Variants in LRRC14 observed in about 807,000 individuals in gnomAD.
LRRC14 encodes the protein leucine-rich repeat-containing protein 14.
Under a neutral mutation model 25.3 loss-of-function variants are expected in LRRC14, and 16 were observed. The ratio of observed to expected loss-of-function variants is 0.63; its 90% CI spans 0.43 to 0.96. LRRC14 has a LOEUF of 0.96. Ranked by LOEUF, LRRC14 falls within the 40% of genes least tolerant of loss-of-function variation. The probability of loss-of-function intolerance (pLI) is 0.00; values close to 1 mark genes in which losing one functional copy is unlikely to be tolerated. For missense variants in LRRC14, 594 were observed against 660.5 expected (o/e 0.90, Z 1.10); for synonymous variants, 359 against 295.1 (o/e 1.22, Z -2.22).
In LRRC14 at chr8:144,524,003, C is replaced by G; in HGVS notation, c.*2525C>G. 1.5e-6 allele frequency: 2 copies of G among 1,351,740 alleles called. No homozygotes were observed. The highest frequency in any genetic ancestry group is 2.0e-6 in the Non-Finnish European group (2 of 984,856). The allele number at this position is 1,351,740 out of a possible 1,614,324, so 83.7% of individuals were successfully genotyped here. On this transcript the variant is annotated 3_prime_UTR_variant, in exon 4 of 4. Transcript: ENST00000292524. ...TGGCTGCAGGCGGTGGTGCAGCCTTCCAGACTGCTGCCCAGTTGCCTGATG... is the reference window on the plus strand; with the variant it reads ...TGGCTGCAGGCGGTGGTGCAGCCTTGCAGACTGCTGCCCAGTTGCCTGATG...
rs766739715 is a variant in LRRC14, at chr8:144,520,044, C to T, written c.319C>T (p.Pro107Ser). The change falls in exon 2 of 4, where the codon CCC becomes TCC. Residue 107 changes from proline (P) to serine (S), a missense_variant. Pro to Ser is a moderately conservative substitution (Grantham distance 74). Coordinates refer to ENST00000292524, the MANE Select transcript of LRRC14 (RefSeq NM_014665.4). ...CTCAGAGCCTGGGGCCAGCACACAGCCCCTCTGCAGGTATGGACTTATCTG... is the reference window on the plus strand; with the variant it reads ...CTCAGAGCCTGGGGCCAGCACACAGTCCCTCTGCAGGTATGGACTTATCTG... The part of the protein sequence containing the change: ...HTSEPGASTQ[P>S]LCRKHALRVL... 1 of 1,604,932 alleles carries T rather than the reference C, an allele frequency of 6.2e-7. No individual in the cohort carries two copies. Among genetic ancestry groups the T allele is most frequent in the Non-Finnish European group, 8.5e-7 (1 of 1,177,642 alleles).
Position 144,525,059 on chromosome 8 carries a change from C to T in LRRC14, c.*3581C>T, listed in dbSNP as rs1256631634. The T allele has an allele frequency of 4.4e-6, 6 of 1,352,408 alleles. No homozygotes were observed. The highest frequency in any genetic ancestry group is 5.7e-6 in the Non-Finnish European group (6 of 1,055,496). 83.8% of individuals were successfully genotyped at this position (1,352,408 alleles called of 1,614,324 possible). On this transcript the variant is annotated 3_prime_UTR_variant, in exon 4 of 4. Coordinates refer to ENST00000292524, the MANE Select transcript of LRRC14 (RefSeq NM_014665.4). Reference sequence around the variant, plus strand: ...CTGAAACACAGGTTGGCAGGCCAGTCTCGGCAGTCGAGAGCCAGCCAATAG... The same window carrying T: ...CTGAAACACAGGTTGGCAGGCCAGTTTCGGCAGTCGAGAGCCAGCCAATAG...
At position 144,521,087 on chromosome 8, in the gene LRRC14, C is replaced by T. The variant is rs775924504; in HGVS notation, c.1091C>T (p.Ala364Val). The T allele has an allele frequency of 6.2e-7, 1 of 1,612,984 alleles. No individual in the cohort carries two copies. Among genetic ancestry groups the T allele is most frequent in the East Asian group, 2.2e-5 (1 of 44,902 alleles). Residue 364 changes from alanine (A) to valine (V), a missense_variant, in exon 4 of 4, where the codon GCA becomes GTA. Coordinates refer to ENST00000292524, the MANE Select transcript of LRRC14 (RefSeq NM_014665.4). ...TTCCAGGGTCTGTTGCAGGCATCAGCAGCCACACTGTTGCATCTGGAGCTG... is the reference window on the plus strand; with the variant it reads ...TTCCAGGGTCTGTTGCAGGCATCAGTAGCCACACTGTTGCATCTGGAGCTG... ...APFQGLLQASAATLLHLELTE... is the reference protein window; with the variant it reads ...APFQGLLQASVATLLHLELTE...
Position 144,522,153 on chromosome 8 carries a change from T to C in LRRC14, c.*675T>C, listed in dbSNP as rs1043505381. On this transcript the variant is annotated 3_prime_UTR_variant, in exon 4 of 4. Transcript: ENST00000292524. ...CCCCGCCCTTCGCGGGGCAGCCCCG[T>C]CGGCACTGCCGGCCAGTCCTTGCTC... The C allele has an allele frequency of 1.0e-4, 33 of 330,720 alleles. No individual in the cohort carries two copies. The highest frequency in any genetic ancestry group is 6.4e-4 in the African/African-American group (30 of 46,764). 20.5% of individuals were successfully genotyped at this position (330,720 alleles called of 1,614,324 possible).
chr8:144,520,591 G>A lies in LRRC14; in HGVS notation c.683G>A (p.Arg228His), dbSNP rs778065873. The A allele has an allele frequency of 3.1e-6, 5 of 1,600,858 alleles. No individual in the cohort carries two copies. Among genetic ancestry groups the A allele is most frequent in the East Asian group, 2.2e-5 (1 of 44,896 alleles). The change falls in exon 3 of 4, where the codon CGC becomes CAC. Residue 228 changes from arginine to histidine, a missense_variant. Physicochemically the swap from Arg to His is conservative, Grantham distance 29. Transcript: ENST00000292524. ...GGCTGCCTGCGCCGCGTGGACCTGC[G>A]CTTCAACAATCTGGGCCTGCGCGGC... ...DAGCLRRVDLRFNNLGLRGLS... is the reference protein window; with the variant it reads ...DAGCLRRVDLHFNNLGLRGLS...
chr8:144,518,326 A>G (rs1815588254), intron 1 of LRRC14: 1 of 151,906 alleles, frequency 6.6e-6, no homozygotes. Flanking sequence ...CGGAGGGTCC[A>G]GCGCCTCCCG....
rs995278032 is a variant in LRRC14, at chr8:144,522,898, C to T, written c.*1420C>T. On this transcript the variant is annotated 3_prime_UTR_variant, in exon 4 of 4. Transcript: ENST00000292524. ...GGCGGGCGGCCGGAGGCGGCGGTTG[C>T]GCGGGCTGCTGCGGCTGCTGCCGGG... The T allele has an allele frequency of 6.1e-6, 8 of 1,302,716 alleles. No homozygotes were observed. Among genetic ancestry groups the T allele is most frequent in the East Asian group, 3.1e-5 (1 of 32,230 alleles). The allele number at this position is 1,302,716 out of a possible 1,614,324, so 80.7% of individuals were successfully genotyped here.
In LRRC14 at chr8:144,521,533, G is replaced by T. The variant is rs575595209; in HGVS notation, c.*55G>T. ...CCCTGCAGTCTCTTTAGGTAGGCAG[G>T]GCCTTTGCTGGGACCCCTGGTGGAG... On this transcript the variant is annotated 3_prime_UTR_variant, in exon 4 of 4. Coordinates refer to ENST00000292524, the MANE Select transcript of LRRC14 (RefSeq NM_014665.4). 1 of 1,506,926 alleles carries T rather than the reference G, an allele frequency of 6.6e-7. No individual in the cohort carries two copies. Among genetic ancestry groups the T allele is most frequent in the Non-Finnish European group, 8.9e-7 (1 of 1,125,278 alleles). 93.3% of individuals were successfully genotyped at this position (1,506,926 alleles called of 1,614,324 possible).
chr8:144,523,109 C>A lies in LRRC14; in HGVS notation c.*1631C>A, dbSNP rs749089962. The A allele has an allele frequency of 1.6e-5, 26 of 1,609,176 alleles. No individual in the cohort carries two copies. In the South Asian group the frequency reaches 2.9e-4, roughly 18 times the overall value. The stretch of plus-strand genomic sequence containing the variant: ...TTCTAGCTGGGCCTGGGCTCGCGGC[C>A]GGCCCTCGCGAGGCTGGGGCACCTT... On this transcript the variant is annotated 3_prime_UTR_variant, in exon 4 of 4. Transcript: ENST00000292524.
At position 144,523,918 on chromosome 8, in the gene LRRC14, C is replaced by G; in HGVS notation, c.*2440C>G. The G allele has an allele frequency of 1.5e-6, 1 of 661,540 alleles. No homozygotes were observed. The highest frequency in any genetic ancestry group is 2.0e-5 in the South Asian group (1 of 49,806). The allele number at this position is 661,540 out of a possible 1,614,324, so 41.0% of individuals were successfully genotyped here. On this transcript the variant is annotated 3_prime_UTR_variant, in exon 4 of 4. Transcript: ENST00000292524. ...CTGTGGAGTTCCTGTCTTCTGTTTTCCCCAGGCAGGGTGCCTGAGCTGTAT... is the reference window on the plus strand; with the variant it reads ...CTGTGGAGTTCCTGTCTTCTGTTTTGCCCAGGCAGGGTGCCTGAGCTGTAT...
At position 144,520,219 on chromosome 8, in the gene LRRC14, A is replaced by C; in HGVS notation, c.330-19A>C. 6.2e-7 allele frequency: 1 copy of C among 1,601,324 alleles called. No homozygotes were observed. The highest frequency in any genetic ancestry group is 8.5e-7 in the Non-Finnish European group (1 of 1,178,410). On this transcript the variant is annotated intron_variant, in intron 2 of 3. Coordinates refer to ENST00000292524, the MANE Select transcript of LRRC14 (RefSeq NM_014665.4). Reference sequence around the variant, plus strand: ...GGCGCTGCCCCTCCACCCCTTCCTCACACCATTCCTACTCCCAGGAAGCAT... The same window carrying C: ...GGCGCTGCCCCTCCACCCCTTCCTCCCACCATTCCTACTCCCAGGAAGCAT...
chr8:144,520,733 C>T lies in LRRC14; in HGVS notation c.825C>T (p.Tyr275=), dbSNP rs1280592441. 3 of 1,599,034 alleles carry T rather than the reference C, an allele frequency of 1.9e-6. No homozygotes were observed. The highest frequency in any genetic ancestry group is 4.5e-5 in the East Asian group (2 of 44,886). ...PSVDGEDNFR[Y]FLAQMGRFTC... ...TGGATGGCGAGGACAACTTCCGCTA[C>T]TTCCTTGCCCAGATGGGCCGCTTCA... The change falls in exon 3 of 4, where the codon TAC becomes TAT. Residue 275 remains tyrosine, a synonymous_variant. Coordinates refer to ENST00000292524, the MANE Select transcript of LRRC14 (RefSeq NM_014665.4).
Position 144,523,560 on chromosome 8 carries a change from C to T in LRRC14, c.*2082C>T. 1 of 1,274,498 alleles carries T rather than the reference C, an allele frequency of 7.8e-7. No individual in the cohort carries two copies. Among genetic ancestry groups the T allele is most frequent in the Non-Finnish European group, 1.0e-6 (1 of 989,736 alleles). The allele number at this position is 1,274,498 out of a possible 1,614,324, so 78.9% of individuals were successfully genotyped here. A position where few individuals can be genotyped will look rare whatever the true frequency, so the allele number is the denominator to read the frequency against. ...AAGGCCCTGCCACCCCTTCCTTGAC[C>T]CCAAGCTCCTTGGGGCGGCAGGCCC... On this transcript the variant is annotated 3_prime_UTR_variant, in exon 4 of 4. Coordinates refer to ENST00000292524, the MANE Select transcript of LRRC14 (RefSeq NM_014665.4).
At position 144,525,081 on chromosome 8, in the gene LRRC14, A is replaced by G. The variant is rs1586857399; in HGVS notation, c.*3603A>G. On this transcript the variant is annotated 3_prime_UTR_variant, in exon 4 of 4. Transcript: ENST00000292524. Reference sequence around the variant, plus strand: ...AGTCTCGGCAGTCGAGAGCCAGCCAATAGATGGAATGGAGGCCTGCACCTG... The same window carrying G: ...AGTCTCGGCAGTCGAGAGCCAGCCAGTAGATGGAATGGAGGCCTGCACCTG... The G allele has an allele frequency of 4.8e-6, 6 of 1,259,804 alleles. No individual in the cohort carries two copies. In the Admixed American group the frequency reaches 1.5e-4, roughly 31 times the overall value. 78.0% of individuals were successfully genotyped at this position (1,259,804 alleles called of 1,614,324 possible). A position where few individuals can be genotyped will look rare whatever the true frequency, so the allele number is the denominator to read the frequency against.
chr8:144,524,078 C>G lies in LRRC14; in HGVS notation c.*2600C>G. 2 of 1,588,498 alleles carry G rather than the reference C, an allele frequency of 1.3e-6. No individual in the cohort carries two copies. Among genetic ancestry groups the G allele is most frequent in the Non-Finnish European group, 1.7e-6 (2 of 1,162,862 alleles). On this transcript the variant is annotated 3_prime_UTR_variant, in exon 4 of 4. Transcript: ENST00000292524. ...TGCTCCCTACTGCCAACACCGTGGC[C>G]CAGACAGAGACGCTTTCCGAGGAAG...
Position 144,524,063 on chromosome 8 carries a change from T to G in LRRC14, c.*2585T>G. 1 of 1,579,488 alleles carries G rather than the reference T, an allele frequency of 6.3e-7. No individual in the cohort carries two copies. Among genetic ancestry groups the G allele is most frequent in the Non-Finnish European group, 8.6e-7 (1 of 1,158,268 alleles). On this transcript the variant is annotated 3_prime_UTR_variant, in exon 4 of 4. Transcript: ENST00000292524. ...CTCCACACATGAGCCTGCTCCCTAC[T>G]GCCAACACCGTGGCCCAGACAGAGA...
In LRRC14 at chr8:144,522,916, C is replaced by T. The variant is rs765310992; in HGVS notation, c.*1438C>T. On this transcript the variant is annotated 3_prime_UTR_variant, in exon 4 of 4. Transcript: ENST00000292524. ...GCGGTTGCGCGGGCTGCTGCGGCTGCTGCCGGGACGCGTTGACCAGGAGCC... is the reference window on the plus strand; with the variant it reads ...GCGGTTGCGCGGGCTGCTGCGGCTGTTGCCGGGACGCGTTGACCAGGAGCC... 2 of 1,413,366 alleles carry T rather than the reference C, an allele frequency of 1.4e-6. 1 individual carries two copies. The highest frequency in any genetic ancestry group is 3.1e-5 in the South Asian group (2 of 64,914). The allele number at this position is 1,413,366 out of a possible 1,614,324, so 87.6% of individuals were successfully genotyped here. A position where few individuals can be genotyped will look rare whatever the true frequency, so the allele number is the denominator to read the frequency against.
In LRRC14 at chr8:144,521,412, C is replaced by T. The variant is rs1455786556; in HGVS notation, c.1416C>T (p.Gly472=). Residue 472 remains glycine (G), a synonymous_variant, in exon 4 of 4, where the codon GGC becomes GGT. Coordinates refer to ENST00000292524, the MANE Select transcript of LRRC14 (RefSeq NM_014665.4). ...TGCACCAGCTGCTTCTAGCCTCAGG[C>T]CGTGCCCATGTGCTCTGGACCACGG... ...AELHQLLLAS[G]RAHVLWTTDI... is the part of the protein sequence containing the mutation. 6.2e-7 allele frequency: 1 copy of T among 1,610,850 alleles called. No homozygotes were observed. Among genetic ancestry groups the T allele is most frequent in the Non-Finnish European group, 8.5e-7 (1 of 1,179,994 alleles).
rs972015533 is a variant in LRRC14, at chr8:144,524,777, G to A, written c.*3299G>A. 6.3e-6 allele frequency: 9 copies of A among 1,435,660 alleles called. No individual in the cohort carries two copies. The African/African-American group carries it at 7.4e-5, about 12-fold the overall frequency. 88.9% of individuals were successfully genotyped at this position (1,435,660 alleles called of 1,614,324 possible). A position where few individuals can be genotyped will look rare whatever the true frequency, so the allele number is the denominator to read the frequency against. Reference sequence around the variant, plus strand: ...CGTTGCGGGGGTCTTCCTCTCCCTGGGGGCACCCCGTCCTCCCGCAGCTCC... The same window carrying A: ...CGTTGCGGGGGTCTTCCTCTCCCTGAGGGCACCCCGTCCTCCCGCAGCTCC... On this transcript the variant is annotated 3_prime_UTR_variant, in exon 4 of 4. Transcript: ENST00000292524.
Sources: gnomAD v4.1 joint callset for allele counts on GRCh38, gnomAD v4.1.1 for gene constraint, MANE v1.5 for transcripts, NCBI Gene and HGNC (gene_info 2026-07-23, HGNC 2026-07-21) for gene names.